Variants in OXR1 observed in about 807,000 individuals in gnomAD.
OXR1 encodes the protein oxidation resistance 1, also known as oxidation resistance protein 1.
Under a neutral mutation model 104.6 loss-of-function variants are expected in OXR1, and 41 were observed. That is an observed-to-expected ratio of 0.39 (90% confidence interval 0.31 to 0.51). The LOEUF is 0.51. Among genes scored for constraint, OXR1 ranks in the 20% least tolerant of loss-of-function variants. The pLI is 0.77. For synonymous variants in OXR1, 348 were observed against 348.4 expected (o/e 1.00, Z 0.01); for missense variants, 955 against 1,031.9 (o/e 0.93, Z 1.02).
intron 2 of OXR1, among the ~76,000 whole-genome samples, chr8:106,377,225 TC>T (rs1321550536): frequency 1.3e-5 from 2 of 152,114 alleles, no homozygotes; most frequent in Non-Finnish European, 2.9e-5. Flanking sequence ...CCCCTCTCGC[TC>T]AGGCTAGAGT....
rs370198492 is a variant in OXR1, at chr8:106,592,092, T to C, written c.220+72953T>C. Among the ~76,000 whole-genome samples, 10 of 152,302 alleles carry C rather than the reference T, an allele frequency of 6.6e-5. No individual in the cohort carries two copies. In the South Asian group the frequency reaches 2.1e-3, roughly 32 times the overall value. On this transcript the variant is annotated intron_variant, in intron 3 of 16. Transcript: ENST00000517566. ...CTGAAAGTGATCTGGATGACATGGA[T>C]AGTAGAAGATTTAGATTATGGAAAA... is the stretch of plus-strand genomic sequence containing the variant.
intron 3 of OXR1, 128 bp from the exon 4 acceptor site, chr8:106,679,082 G>C (rs1205870915): frequency 4.1e-6 from 2 of 483,396 alleles, no homozygotes; most frequent in Admixed American, 4.0e-5. Context: ...TTTTACAGCA[G>C]AGCATCCCAG....
intron 1 of OXR1, among the ~76,000 whole-genome samples, chr8:106,294,565 G>A (rs963623049): frequency 2.0e-5 from 3 of 151,928 alleles, no homozygotes; most frequent in Non-Finnish European, 4.4e-5. Context: ...GAAGATGAAG[G>A]GGGAGTAAGC....
intron 3 of OXR1, among the ~76,000 whole-genome samples, chr8:106,577,377 A>ATTTT (rs1274844749): frequency 1.2e-5 from 1 of 86,612 alleles, no homozygotes; most frequent in Non-Finnish European, 2.2e-5. Context: ...TGCCCAGCTA[A>ATTTT]CTTTTTTTTT....
chr8:106,361,854 T>C lies in OXR1; in HGVS notation c.23+2218T>C, dbSNP rs1480383262. ...AAGATTACTAATTTAAAATAAGACATGTAACATTTAAGTGTATGCCATGCT... is the reference window on the plus strand; with the variant it reads ...AAGATTACTAATTTAAAATAAGACACGTAACATTTAAGTGTATGCCATGCT... On this transcript the variant is annotated intron_variant, in intron 2 of 16. Transcript: ENST00000517566. Among the ~76,000 whole-genome samples, 4 of 152,318 alleles carry C rather than the reference T, an allele frequency of 2.6e-5. 1 individual carries two copies. The South Asian group carries it at 8.3e-4, about 32-fold the overall frequency.
chr8:106,521,547 C>G (rs1456670649), intron 3 of OXR1, among the ~76,000 whole-genome samples: 1 of 152,134 alleles, frequency 6.6e-6, no homozygotes, highest in Non-Finnish European at 1.5e-5. Context: ...GAGTCTTGCT[C>G]TGTTGCCCAG....
intron 3 of OXR1, among the ~76,000 whole-genome samples, chr8:106,583,865 C>T (rs139664871): frequency 2.2e-4 from 33 of 152,264 alleles, no homozygotes; most frequent in African/African-American, 7.2e-4. Context: ...GAGCATGCTA[C>T]AGTCAAGACC....
At chr8:106,392,090 A>G (rs925021490) in intron 2 of OXR1, among the ~76,000 whole-genome samples, 6 of 152,214 alleles carry the variant, frequency 3.9e-5, no homozygotes, top group African/African-American at 1.2e-4. Context: ...TCTGTGGTCA[A>G]TCGCAGTTTG....
chr8:106,661,037 G>C (rs1825712892), intron 3 of OXR1, among the ~76,000 whole-genome samples: 1 of 151,730 alleles, frequency 6.6e-6, no homozygotes, highest in African/African-American at 2.4e-5. Context: ...AATTAGCCAG[G>C]CATGGTGGCA....
chr8:106,700,722 A>G (rs938982191), intron 7 of OXR1, among the ~76,000 whole-genome samples: 1 of 152,236 alleles, frequency 6.6e-6, no homozygotes, highest in Non-Finnish European at 1.5e-5. Context: ...TGTCATACAT[A>G]GCTAGTTATC....
chr8:106,656,527 C>G (rs937766360), intron 3 of OXR1, among the ~76,000 whole-genome samples: 17 of 152,216 alleles, frequency 1.1e-4, no homozygotes, highest in Admixed American at 5.9e-4. Flanking sequence ...AGGGAAAGCA[C>G]AAACATTCCG....
intron 3 of OXR1, among the ~76,000 whole-genome samples, chr8:106,519,793 G>A (rs1250185379): frequency 6.6e-6 from 1 of 152,152 alleles, no homozygotes; most frequent in African/African-American, 2.4e-5. Context: ...ATGATATCCT[G>A]TAATTTTTGT....
At chr8:106,406,627 A>G (rs969131018) in intron 2 of OXR1, among the ~76,000 whole-genome samples, 5 of 152,202 alleles carry the variant, frequency 3.3e-5, no homozygotes, top group African/African-American at 1.2e-4. Context: ...TTTCAACTAC[A>G]TGACACTCTG....
At position 106,713,848 on chromosome 8, in the gene OXR1, A is replaced by C; in HGVS notation, c.1819A>C (p.Ile607Leu). The change falls in exon 11 of 17, where the codon ATT becomes CTT. Residue 607 changes from isoleucine (I) to leucine (L), a missense_variant. Ile to Leu is a conservative substitution (Grantham distance 5). Around this residue, in one of 2 missense-constraint regions of OXR1, gnomAD observed 849 missense variants for 852.9 expected, o/e 1.00. Coordinates refer to ENST00000517566, the MANE Select transcript of OXR1 (RefSeq NM_001198533.2). ...GACAGATCACTTGTATGCCTTCTTC[A>C]TTCAGTGGAGTCCAGAAATATATGC... The part of the protein sequence containing the change: ...ERTDHLYAFF[I>L]QWSPEIYAED... 6.4e-7 allele frequency: 1 copy of C among 1,574,510 alleles called. No homozygotes were observed. Among genetic ancestry groups the C allele is most frequent in the Non-Finnish European group, 8.6e-7 (1 of 1,167,988 alleles).
chr8:106,614,598 G>A (rs1821060044), intron 3 of OXR1, among the ~76,000 whole-genome samples: 1 of 152,178 alleles, frequency 6.6e-6, no homozygotes, highest in Non-Finnish European at 1.5e-5. Context: ...ACAATTATAA[G>A]ATTGATTTCG....
chr8:106,384,035 A>T (rs1016620694), intron 2 of OXR1, among the ~76,000 whole-genome samples: 3 of 152,220 alleles, frequency 2.0e-5, no homozygotes, highest in African/African-American at 7.2e-5. Context: ...GGAAGACTTC[A>T]TCTGTGTGCT....
At chr8:106,550,278 CGG>C (rs1815699400) in intron 3 of OXR1, among the ~76,000 whole-genome samples, 1 of 152,140 alleles carries the variant, frequency 6.6e-6, no homozygotes, top group South Asian at 2.1e-4. Flanking sequence ...TCTGAAAACA[CGG>C]AGTGTACACT....
intron 6 of OXR1, among the ~76,000 whole-genome samples, chr8:106,691,641 T>TAC (rs1554621609): frequency 6.3e-4 from 72 of 115,004 alleles, no homozygotes; most frequent in African/African-American, 2.0e-3. Flanking sequence ...TATATATATA[T>TAC]ACACACACAT....
chr8:106,718,067 C>G (rs1832439647), intron 11 of OXR1, among the ~76,000 whole-genome samples: 1 of 152,162 alleles, frequency 6.6e-6, no homozygotes, highest in Admixed American at 6.5e-5. Context: ...TCAATAACAA[C>G]AAGAAACATT....
Sources: gnomAD v4.1 joint callset for allele counts (sites outside exome capture counted in the v4.1 genomes callset) on GRCh38, gnomAD v4.1.1 for gene constraint, gnomAD v4.1.1 regional missense constraint, MANE v1.5 for transcripts, NCBI Gene and HGNC (gene_info 2026-07-23, HGNC 2026-07-21) for gene names.